Variants in CNTNAP2 observed in about 807,000 individuals in gnomAD.
The protein encoded by CNTNAP2 is contactin associated protein 2, also known as contactin-associated protein-like 2.
In CNTNAP2, 98 loss-of-function variants were observed where a neutral mutation model predicts 155.2. The observed-to-expected ratio is 0.63, with a 90% CI of 0.54 to 0.75. The LOEUF is 0.75. Ranked by LOEUF, CNTNAP2 falls within the 30% of genes least tolerant of loss-of-function variation. The pLI is 0.00. For missense variants in CNTNAP2, 1,727 were observed against 1,688.1 expected, an observed-to-expected ratio of 1.02 and a Z score of -0.40; for synonymous variants, 651 against 631.2, an observed-to-expected ratio of 1.03 and a Z score of -0.47.
intron 3 of CNTNAP2, among the ~76,000 whole-genome samples, chr7:146,977,331 G>C (rs1311291663): frequency 6.6e-6 from 1 of 152,100 alleles, no homozygotes; most frequent in African/African-American, 2.4e-5. Context: ...TACCATATGT[G>C]CATAGATGGA....
chr7:147,687,233 G>T (rs1321763943), intron 13 of CNTNAP2, among the ~76,000 whole-genome samples: 1 of 152,062 alleles, frequency 6.6e-6, no homozygotes, highest in Non-Finnish European at 1.5e-5. Flanking sequence ...GTATGTGAAT[G>T]AAGAATTTCT....
At chr7:147,853,342 G>A (rs1423985256) in intron 13 of CNTNAP2, among the ~76,000 whole-genome samples, 2 of 152,162 alleles carry the variant, frequency 1.3e-5, no homozygotes, top group Non-Finnish European at 1.5e-5. Context: ...CGAAGGAAAT[G>A]TCTTAAACGG....
chr7:147,654,036 A>G (rs1795488497), intron 13 of CNTNAP2, among the ~76,000 whole-genome samples: 1 of 152,204 alleles, frequency 6.6e-6, no homozygotes, highest in East Asian at 1.9e-4. Context: ...TCACAGTTAT[A>G]AATTTGCATA....
At chr7:147,851,121 A>G (rs1584990221) in intron 13 of CNTNAP2, among the ~76,000 whole-genome samples, 1 of 152,238 alleles carries the variant, frequency 6.6e-6, no homozygotes, top group Non-Finnish European at 1.5e-5. Flanking sequence ...GGACATGAAC[A>G]GACACTTCTC....
intron 1 of CNTNAP2, among the ~76,000 whole-genome samples, chr7:146,771,684 G>A (rs1198300815): frequency 1.3e-5 from 2 of 152,108 alleles, no homozygotes; most frequent in African/African-American, 4.8e-5. Context: ...ATTATATGAA[G>A]ACGGATTTGT....
rs1226995215 is a variant in CNTNAP2 at position 148,295,531 on chromosome 7, G to T, written c.3475+28405G>T. Among the ~76,000 whole-genome samples, 9 of 146,752 alleles carry T rather than the reference G, an allele frequency of 6.1e-5. No individual in the cohort carries two copies. The South Asian group carries it at 1.8e-3, about 29-fold the overall frequency. ...TTTTGAGACGGAGTCTCGCTCTGTCGCCCAGGCGGGAGTGCTGTGGCGCAG... is the reference window on the plus strand; with the variant it reads ...TTTTGAGACGGAGTCTCGCTCTGTCTCCCAGGCGGGAGTGCTGTGGCGCAG... On this transcript the variant is annotated intron_variant, in intron 21 of 23. Transcript: ENST00000361727.
At chr7:147,791,231 A>G (rs1168537484) in intron 13 of CNTNAP2, among the ~76,000 whole-genome samples, 1 of 151,402 alleles carries the variant, frequency 6.6e-6, no homozygotes, top group Non-Finnish European at 1.5e-5. Flanking sequence ...GCTGATTTTC[A>G]TTTCTGTGTT....
chr7:147,692,774 C>CT (rs1796106728), intron 13 of CNTNAP2, among the ~76,000 whole-genome samples: 1 of 151,916 alleles, frequency 6.6e-6, no homozygotes, highest in South Asian at 2.1e-4. Context: ...TTTTGCGTAC[C>CT]TTTTCCTCTA....
At chr7:148,375,237 T>C (rs1047646840) in intron 21 of CNTNAP2, among the ~76,000 whole-genome samples, 1 of 138,202 alleles carries the variant, frequency 7.2e-6, no homozygotes, top group African/African-American at 2.6e-5. Context: ...TGTATATATG[T>C]ATGTTATACT....
intron 3 of CNTNAP2, among the ~76,000 whole-genome samples, chr7:146,864,902 G>T (rs995345538): frequency 6.7e-6 from 1 of 148,446 alleles, no homozygotes; most frequent in East Asian, 2.0e-4. Context: ...AGAGGCTGAG[G>T]TAGGAAGCTC....
At chr7:147,458,998 A>G (rs10245772) in intron 10 of CNTNAP2, among the ~76,000 whole-genome samples, 116,011 of 151,680 alleles carry the variant, frequency 0.76, 44,547 homozygotes, top group African/African-American at 0.84. Context: ...CTGTGCCACT[A>G]TATTATGGTT....
rs188828289 is a variant in CNTNAP2 at position 148,063,252 on chromosome 7, T to C, written c.2384-54866T>C. Among the ~76,000 whole-genome samples, 251 of 152,158 alleles carry C rather than the reference T, an allele frequency of 1.6e-3. 1 individual carries two copies. Among genetic ancestry groups the C allele is most frequent in the African/African-American group, 5.8e-3 (241 of 41,548 alleles). ...GCTCCTTTATGGGCAATTGTGTCCT[T>C]TTTCTCTGGCTGCTTTTAAGAATGG... On this transcript the variant is annotated intron_variant, in intron 15 of 23. Coordinates refer to ENST00000361727, the MANE Select transcript of CNTNAP2 (RefSeq NM_014141.6).
intron 1 of CNTNAP2, among the ~76,000 whole-genome samples, chr7:146,524,084 C>T (rs62484463): frequency 0.33 from 49,446 of 151,840 alleles, 8,142 homozygotes; most frequent in East Asian, 0.46. Context: ...AAAACTCTAC[C>T]AAACTTTTTG....
intron 1 of CNTNAP2, among the ~76,000 whole-genome samples, chr7:146,745,596 G>A (rs1241426178): frequency 9.2e-5 from 14 of 151,826 alleles, no homozygotes; most frequent in South Asian, 2.1e-4. Flanking sequence ...ATGAAACCCC[G>A]TCTCTACTAA....
intron 15 of CNTNAP2, among the ~76,000 whole-genome samples, chr7:147,980,763 A>G (rs1195364529): frequency 8.6e-6 from 1 of 116,402 alleles, no homozygotes; most frequent in Non-Finnish European, 2.1e-5. Flanking sequence ...TCTCTACTAA[A>G]AATACAAAAA....
At chr7:147,212,758 C>G (rs142854863) in intron 8 of CNTNAP2, among the ~76,000 whole-genome samples, 1 of 152,048 alleles carries the variant, frequency 6.6e-6, no homozygotes, top group Non-Finnish European at 1.5e-5. Flanking sequence ...TTATTAAAAA[C>G]AAAATTGTAT....
rs1796259617 is a variant in CNTNAP2 at position 147,367,756 on chromosome 7, AAC to A, written c.1499-27850_1499-27849del. Among the ~76,000 whole-genome samples the A allele has an allele frequency of 2.0e-5, 3 of 152,162 alleles. No individual in the cohort carries two copies. In the South Asian group the frequency reaches 6.2e-4, roughly 31 times the overall value. ...GCTCCAGTTAAGAGAATGGTGGGCA[AAC>A]ACTGGTTAAACAATAGAGGGTTTTT... is the stretch of plus-strand genomic sequence containing the variant. On this transcript the variant is annotated intron_variant, in intron 9 of 23. Coordinates refer to ENST00000361727, the MANE Select transcript of CNTNAP2 (RefSeq NM_014141.6).
chr7:146,415,694 A>T (rs1795928448), intron 1 of CNTNAP2, among the ~76,000 whole-genome samples: 1 of 150,970 alleles, frequency 6.6e-6, no homozygotes, highest in Non-Finnish European at 1.5e-5. Flanking sequence ...TTATAAGTTT[A>T]AAAAAATTTA....
chr7:147,628,123 G>T (rs1460221292), intron 12 of CNTNAP2, among the ~76,000 whole-genome samples: 1 of 152,086 alleles, frequency 6.6e-6, no homozygotes, highest in African/African-American at 2.4e-5. Flanking sequence ...AATACAAGAA[G>T]CTCAAAGAAC....
Sources: gnomAD v4.1 joint callset for allele counts (sites outside exome capture counted in the v4.1 genomes callset) on GRCh38, gnomAD v4.1.1 for gene constraint, MANE v1.5 for transcripts, NCBI Gene and HGNC (gene_info 2026-07-23, HGNC 2026-07-21) for gene names.